The following HHLA1 variants were observed in gnomAD, a reference collection of about 807,000 sequenced individuals.
HHLA1 encodes HHLA1 neighbor of OC90.
In HHLA1, 72 loss-of-function variants were observed where a neutral mutation model predicts 69.9. The ratio of observed to expected loss-of-function variants is 1.03; its 90% CI spans 0.85 to 1.25. The LOEUF (loss-of-function observed/expected upper bound fraction) is 1.25. Ranked by LOEUF, HHLA1 falls within the 50% of genes most tolerant of loss-of-function variation. The pLI, the probability that HHLA1 is intolerant of heterozygous loss-of-function variation, is 0.00. For missense variants in HHLA1, 685 were observed against 642.2 expected (o/e 1.07, Z -0.72); for synonymous variants, 252 against 233.2 (o/e 1.08, Z -0.73).
At chr8:132,076,429 CCCAT>C in intron 13 of HHLA1, 42 bp downstream of exon 13, 2 of 743,406 alleles carry the variant, frequency 2.7e-6, no homozygotes, top group Non-Finnish European at 4.5e-6. Flanking sequence ...TCCCACCCCT[CCCAT>C]CCCCCACCCC....
chr8:132,070,293 C>G (rs1325134499), intron 15 of HHLA1: 2 of 701,468 alleles, frequency 2.9e-6, no homozygotes, highest in Non-Finnish European at 2.6e-6. Flanking sequence ...ATGTCTAGAC[C>G]TTCTTAATAT....
chr8:132,084,960 A>C lies in HHLA1; in HGVS notation c.676+2693T>G, dbSNP rs189120096. ...GAGGGGTACTTGCCCCTGCCCCAGG[A>C]AAGTGGGATGTGCCGCTAAGGGTGA... On this transcript the variant is annotated intron_variant, in intron 10 of 16. Coordinates refer to ENST00000414222, the MANE Select transcript of HHLA1 (RefSeq NM_001145095.3). Among the ~76,000 whole-genome samples the C allele has an allele frequency of 1.2e-3, 180 of 151,992 alleles. 2 individuals carry two copies. The East Asian group carries it at 0.032, about 27-fold the overall frequency.
At chr8:132,096,579 T>C (rs1201423725) in intron 5 of HHLA1, among the ~76,000 whole-genome samples, 1 of 152,166 alleles carries the variant, frequency 6.6e-6, no homozygotes, top group Admixed American at 6.5e-5. Context: ...GAGCATCTTA[T>C]CTACTCTCCA....
At chr8:132,083,728 A>G (rs1823804181) in intron 10 of HHLA1, among the ~76,000 whole-genome samples, 1 of 152,132 alleles carries the variant, frequency 6.6e-6, no homozygotes, top group African/African-American at 2.4e-5. Context: ...GAGGTTCTGG[A>G]GGAACGCCTG....
chr8:132,079,440 T>C (rs547767916), intron 11 of HHLA1, among the ~76,000 whole-genome samples: 11 of 152,340 alleles, frequency 7.2e-5, no homozygotes, highest in South Asian at 2.1e-4. Flanking sequence ...GAACTCTCTA[T>C]ATTATTTTTG....
chr8:132,099,220 A>G (rs141368339), intron 4 of HHLA1, among the ~76,000 whole-genome samples: 43 of 152,322 alleles, frequency 2.8e-4, no homozygotes, highest in Non-Finnish European at 5.1e-4. Flanking sequence ...TGACAATTGC[A>G]TCTCTGCATT....
At position 132,095,697 on chromosome 8, in the gene HHLA1, A is replaced by C; in HGVS notation, c.364+6T>G. On this transcript the variant is annotated splice_donor_region_variant and intron_variant, in intron 6 of 16. Coordinates refer to ENST00000414222, the MANE Select transcript of HHLA1 (RefSeq NM_001145095.3). ...CCACCATCAAGAAGAGCCAGCCAGC[A>C]CTCACTGTTGTAAACAGCTACAGAA... 6.4e-7 allele frequency: 1 copy of C among 1,550,600 alleles called. No homozygotes were observed. The highest frequency in any genetic ancestry group is 1.2e-5 in the South Asian group (1 of 83,970).
intron 5 of HHLA1, 141 bp from the exon 6 acceptor site, chr8:132,095,927 A>G: frequency 1.8e-6 from 1 of 570,192 alleles, no homozygotes; most frequent in Non-Finnish European, 3.0e-6. Context: ...AAAAAGTAAT[A>G]CAAATAAAAA....
rs919764874 is a variant in HHLA1, at chr8:132,063,788, C to T, written c.*207G>A. 4 of 209,484 alleles carry T rather than the reference C, an allele frequency of 1.9e-5. No individual in the cohort carries two copies. In the South Asian group the frequency reaches 2.3e-4, roughly 12 times the overall value. The allele number at this position is 209,484 out of a possible 1,614,324, so 13.0% of individuals were successfully genotyped here. On this transcript the variant is annotated 3_prime_UTR_variant, in exon 17 of 17. Transcript: ENST00000414222. ...ACTGTATTAATTGTGAGGCCTCTAACAAGAAAACTTCTACCTTCAATGTTT... is the reference window on the plus strand; with the variant it reads ...ACTGTATTAATTGTGAGGCCTCTAATAAGAAAACTTCTACCTTCAATGTTT...
chr8:132,104,767 C>T (rs1394032540), intron 2 of HHLA1, among the ~76,000 whole-genome samples: 1 of 151,880 alleles, frequency 6.6e-6, no homozygotes, highest in Non-Finnish European at 1.5e-5. Context: ...GTACACTACA[C>T]AGAGAGAAGT....
At chr8:132,099,980 T>C (rs2130898017) in intron 4 of HHLA1, 95 bp downstream of exon 4, 2 of 874,984 alleles carry the variant, frequency 2.3e-6, no homozygotes, top group East Asian at 2.6e-5. Context: ...AGAGATGACG[T>C]TCTCGCCACT....
intron 16 of HHLA1, among the ~76,000 whole-genome samples, chr8:132,065,265 C>T (rs1488565601): frequency 1.3e-5 from 2 of 152,158 alleles, no homozygotes; most frequent in Non-Finnish European, 2.9e-5. Context: ...TTGCATTTTT[C>T]CTTCAGTCAA....
chr8:132,096,136 G>T (rs1294382324), intron 5 of HHLA1, among the ~76,000 whole-genome samples: 1 of 152,176 alleles, frequency 6.6e-6, no homozygotes, highest in Non-Finnish European at 1.5e-5. Flanking sequence ...AGTTCTGGGG[G>T]CTAGAAGTCT....
At chr8:132,079,105 A>T (rs752473169) in intron 11 of HHLA1, among the ~76,000 whole-genome samples, 3 of 152,230 alleles carry the variant, frequency 2.0e-5, no homozygotes, top group Non-Finnish European at 4.4e-5. Context: ...AATAGGAAAA[A>T]TAAGATAAGC....
rs147460833 is a variant in HHLA1, at chr8:132,107,577, G to A, written c.-21-2291C>T. Reference sequence around the variant, plus strand: ...AGCCTCCCAAATTGCTGGGATTACAGGCATGAGCCACCGCGCTTGGCCGAC... The same window carrying A: ...AGCCTCCCAAATTGCTGGGATTACAAGCATGAGCCACCGCGCTTGGCCGAC... On this transcript the variant is annotated intron_variant, in intron 1 of 16. Transcript: ENST00000414222. Among the ~76,000 whole-genome samples, 146 of 152,260 alleles carry A rather than the reference G, an allele frequency of 9.6e-4. 1 individual carries two copies. The highest frequency in any genetic ancestry group is 3.4e-3 in the African/African-American group (142 of 41,540).
chr8:132,077,705 G>A (rs1823668109), intron 12 of HHLA1, 21 bp downstream of exon 12: 2 of 1,549,232 alleles, frequency 1.3e-6, no homozygotes, highest in South Asian at 1.2e-5. Flanking sequence ...GGGAGAGGTA[G>A]AAGTGAGCAC....
intron 15 of HHLA1, among the ~76,000 whole-genome samples, chr8:132,068,086 G>A (rs978994123): frequency 1.3e-5 from 2 of 152,184 alleles, no homozygotes; most frequent in Admixed American, 1.3e-4. Context: ...TGTGATAGAG[G>A]ATATCAAGCA....
At chr8:132,073,094 T>C (rs1416423895) in intron 14 of HHLA1, among the ~76,000 whole-genome samples, 2 of 152,216 alleles carry the variant, frequency 1.3e-5, no homozygotes, top group African/African-American at 4.8e-5. Flanking sequence ...TATTATTCTG[T>C]CATGTTTGAA....
At chr8:132,073,349 A>G (rs1043190202) in intron 14 of HHLA1, among the ~76,000 whole-genome samples, 4 of 152,166 alleles carry the variant, frequency 2.6e-5, no homozygotes, top group Non-Finnish European at 4.4e-5. Context: ...AGGTAGAAAG[A>G]AAATACTTTA....
Sources: gnomAD v4.1 joint callset for allele counts (sites outside exome capture counted in the v4.1 genomes callset) on GRCh38, gnomAD v4.1.1 for gene constraint, MANE v1.5 for transcripts, NCBI Gene and HGNC (gene_info 2026-07-23, HGNC 2026-07-21) for gene names.